PKNOX2: variants seen among roughly 807,000 people sequenced by gnomAD.
The protein encoded by PKNOX2 is PBX/knotted 1 homeobox 2, also known as homeobox protein PKNOX2.
In PKNOX2, 14 loss-of-function variants were observed where a neutral mutation model predicts 53.1. The observed-to-expected ratio is 0.26, with a 90% CI of 0.17 to 0.41. The LOEUF is 0.41. Among genes scored for constraint, PKNOX2 ranks in the 10% least tolerant of loss-of-function variants. The pLI, the probability that PKNOX2 is intolerant of heterozygous loss-of-function variation, is 1.00. For missense variants in PKNOX2, 496 were observed against 602.8 expected (o/e 0.82, Z 1.85); for synonymous variants, 257 against 242.8 (o/e 1.06, Z -0.54).
chr11:125,288,989 T>C (rs1947118949), intron 2 of PKNOX2, among the ~76,000 whole-genome samples: 1 of 152,270 alleles, frequency 6.6e-6, no homozygotes, highest in Admixed American at 6.5e-5. Context: ...AAGGGGACCA[T>C]GTCTTATGTA....
chr11:125,327,020 A>G (rs1292949198), intron 2 of PKNOX2, among the ~76,000 whole-genome samples: 3 of 152,204 alleles, frequency 2.0e-5, no homozygotes, highest in African/African-American at 7.2e-5. Flanking sequence ...TGGGCTCCAG[A>G]GTGAGAACAG....
chr11:125,311,783 A>C (rs1000542336), intron 2 of PKNOX2, among the ~76,000 whole-genome samples: 1 of 150,364 alleles, frequency 6.7e-6, no homozygotes, highest in Admixed American at 6.6e-5. Flanking sequence ...CAATGCCCTC[A>C]AATAAACTCA....
intron 2 of PKNOX2, among the ~76,000 whole-genome samples, chr11:125,275,767 T>A (rs1351193463): frequency 1.3e-5 from 2 of 152,062 alleles, no homozygotes; most frequent in Admixed American, 1.3e-4. Context: ...AAGAGATCTG[T>A]TTTGAATACG....
intron 1 of PKNOX2, among the ~76,000 whole-genome samples, chr11:125,173,263 G>A (rs1483805664): frequency 6.6e-6 from 1 of 152,212 alleles, no homozygotes; most frequent in Non-Finnish European, 1.5e-5. Flanking sequence ...ACATGCCCTT[G>A]TGTGATCCTC....
At chr11:125,206,115 G>A (rs968616281) in intron 1 of PKNOX2, among the ~76,000 whole-genome samples, 3 of 152,058 alleles carry the variant, frequency 2.0e-5, no homozygotes, top group Non-Finnish European at 4.4e-5. Flanking sequence ...TCCAGGCACT[G>A]TGTCATACTC....
chr11:125,413,831 G>A (rs999222774), intron 10 of PKNOX2, among the ~76,000 whole-genome samples: 2 of 152,102 alleles, frequency 1.3e-5, no homozygotes, highest in Admixed American at 6.5e-5. Context: ...ACTTCTGAAG[G>A]GGGAGAAAGG....
intron 2 of PKNOX2, among the ~76,000 whole-genome samples, chr11:125,246,859 C>G (rs979174316): frequency 2.8e-4 from 42 of 152,258 alleles, no homozygotes; most frequent in African/African-American, 9.9e-4. Context: ...TGGGCAACCC[C>G]TGCTTCAGCT....
chr11:125,380,973 C>A (rs1953183518), intron 5 of PKNOX2, among the ~76,000 whole-genome samples: 1 of 152,190 alleles, frequency 6.6e-6, no homozygotes, highest in African/African-American at 2.4e-5. Context: ...GGAGGTGACT[C>A]TCCCATAACT....
intron 1 of PKNOX2, among the ~76,000 whole-genome samples, chr11:125,215,700 C>A (rs1483154004): frequency 6.7e-6 from 1 of 149,932 alleles, no homozygotes; most frequent in East Asian, 1.9e-4. Context: ...TGCAGTGAGC[C>A]AAGATCGTGC....
At chr11:125,293,184 T>G (rs1231805626) in intron 2 of PKNOX2, among the ~76,000 whole-genome samples, 1 of 151,888 alleles carries the variant, frequency 6.6e-6, no homozygotes, top group Non-Finnish European at 1.5e-5. Flanking sequence ...GTAGAAATAT[T>G]TACACACACA....
chr11:125,184,197 G>C lies in PKNOX2; in HGVS notation c.-201+19421G>C, dbSNP rs1283837696. 1.2e-4 allele frequency: 19 copies of C among 152,270 alleles called. No homozygotes were observed. The East Asian group carries it at 3.3e-3, about 26-fold the overall frequency. The allele number at this position is 152,270 out of a possible 1,614,324, so 9.4% of individuals were successfully genotyped here. A position where few individuals can be genotyped will look rare whatever the true frequency, so the allele number is the denominator to read the frequency against. On this transcript the variant is annotated intron_variant, in intron 1 of 12. Transcript: ENST00000298282. ...GGACAGAGAAGACTCATTGCCAAAT[G>C]AGCGACACTAACAAGAGTGATGCTC...
chr11:125,291,765 C>T (rs1947318480), intron 2 of PKNOX2, among the ~76,000 whole-genome samples: 1 of 152,124 alleles, frequency 6.6e-6, no homozygotes. Context: ...TATGCTATAG[C>T]ATGGATGAAC....
At chr11:125,182,938 G>A (rs1212468631) in intron 1 of PKNOX2, among the ~76,000 whole-genome samples, 6 of 152,182 alleles carry the variant, frequency 3.9e-5, no homozygotes, top group Non-Finnish European at 7.3e-5. Context: ...TGACTTTCTG[G>A]AAAATAGGAA....
At chr11:125,298,452 C>T (rs1192009474) in intron 2 of PKNOX2, among the ~76,000 whole-genome samples, 2 of 152,170 alleles carry the variant, frequency 1.3e-5, no homozygotes, top group Non-Finnish European at 2.9e-5. Context: ...GCCTGGCCAC[C>T]AGAGTGGAGG....
intron 5 of PKNOX2, among the ~76,000 whole-genome samples, chr11:125,377,876 T>G (rs970434285): frequency 2.4e-4 from 37 of 152,244 alleles, no homozygotes; most frequent in African/African-American, 8.0e-4. Context: ...ATGCCACCCA[T>G]GGGCCGCGGG....
intron 11 of PKNOX2, 70 bp downstream of exon 11, chr11:125,429,158 C>A: frequency 7.0e-7 from 1 of 1,436,644 alleles, no homozygotes; most frequent in Non-Finnish European, 9.8e-7. Context: ...GAATGCGTAG[C>A]AGGGAAAAGA....
At chr11:125,337,751 A>G (rs113717420) in intron 3 of PKNOX2, among the ~76,000 whole-genome samples, 2,699 of 152,038 alleles carry the variant, frequency 0.018, 87 homozygotes, top group African/African-American at 0.061. Flanking sequence ...TCCTTCTGGG[A>G]CATCCATTGC....
chr11:125,426,309 G>T (rs981010945), intron 10 of PKNOX2, among the ~76,000 whole-genome samples: 4 of 152,150 alleles, frequency 2.6e-5, no homozygotes, highest in African/African-American at 9.7e-5. Context: ...CTTCCCTAAG[G>T]ACTTCCTTCT....
At chr11:125,409,130 C>A (rs536976614) in intron 7 of PKNOX2, among the ~76,000 whole-genome samples, 1 of 152,168 alleles carries the variant, frequency 6.6e-6, no homozygotes, top group Non-Finnish European at 1.5e-5. Flanking sequence ...ACACTTCACT[C>A]GCTGCCTTTT....
Sources: allele counts gnomAD v4.1 joint callset (sites outside exome capture counted in the v4.1 genomes callset), GRCh38; gene constraint gnomAD v4.1.1; transcripts MANE v1.5; gene names NCBI Gene and HGNC (gene_info 2026-07-23, HGNC 2026-07-21).